CARF: variants seen among roughly 807,000 people sequenced by gnomAD.
CARF encodes calcium-responsive transcription factor.
In CARF, 57 loss-of-function variants were observed where a neutral mutation model predicts 82.0. That is an observed-to-expected ratio of 0.70 (90% confidence interval 0.56 to 0.87). The LOEUF (loss-of-function observed/expected upper bound fraction) is 0.87. Ranked by LOEUF, CARF falls within the 40% of genes least tolerant of loss-of-function variation. The probability of loss-of-function intolerance (pLI) is 0.00; values close to 1 mark genes in which losing one functional copy is unlikely to be tolerated. For missense variants in CARF, 771 were observed against 855.8 expected (o/e 0.90, Z 1.24); for synonymous variants, 268 against 290.1 (o/e 0.92, Z 0.77).
chr2:202,932,345 G>A (rs763909586), intron 3 of CARF, among the ~76,000 whole-genome samples: 1 of 152,136 alleles, frequency 6.6e-6, no homozygotes, highest in Admixed American at 6.6e-5. Context: ...CTGTGGCAGA[G>A]TTGGATGTAG....
chr2:202,919,537 G>A (rs924656269), intron 2 of CARF, among the ~76,000 whole-genome samples: 1 of 152,158 alleles, frequency 6.6e-6, no homozygotes, highest in African/African-American at 2.4e-5. Context: ...TGCCTGCATA[G>A]TTAGAGCTCT....
intron 3 of CARF, among the ~76,000 whole-genome samples, chr2:202,929,698 T>A (rs1241236545): frequency 1.3e-5 from 2 of 152,248 alleles, no homozygotes; most frequent in East Asian, 3.9e-4. Flanking sequence ...AATTTTAAGG[T>A]TTTTGTTGTT....
chr2:202,925,709 G>A (rs1015286897), intron 3 of CARF: 11 of 181,490 alleles, frequency 6.1e-5, no homozygotes, highest in Non-Finnish European at 1.0e-4. Flanking sequence ...TGCCAAGCTG[G>A]AAGCCATCCT....
Position 202,983,539 on chromosome 2 carries a change from G to A in CARF, c.2093G>A (p.Ser698Asn). The A allele has an allele frequency of 6.2e-7, 1 of 1,610,506 alleles. No individual in the cohort carries two copies. Among genetic ancestry groups the A allele is most frequent in the Non-Finnish European group, 8.5e-7 (1 of 1,178,772 alleles). Reference sequence around the variant, plus strand: ...AATCCAGAAAGTACCATTTCTGTGAGCCAAGTTAAACAAGAACCCAAAGAA... The same window carrying A: ...AATCCAGAAAGTACCATTTCTGTGAACCAAGTTAAACAAGAACCCAAAGAA... ...EENPESTISV[S>N]QVKQEPKEPA... Residue 698 changes from serine (S) to asparagine (N), a missense_variant, in exon 17 of 17, where the codon AGC (serine) becomes AAC (asparagine). By Grantham distance (46) the Ser-to-Asn change is conservative (BLOSUM62 1). Transcript: ENST00000438828.
intron 13 of CARF, among the ~76,000 whole-genome samples, chr2:202,976,000 A>G (rs1043512897): frequency 1.3e-5 from 2 of 151,540 alleles, no homozygotes; most frequent in African/African-American, 4.8e-5. Flanking sequence ...AGCCATGATC[A>G]TGCCGTTGCA....
chr2:202,943,632 A>ACACACACACACACC (rs2058347967), intron 5 of CARF, among the ~76,000 whole-genome samples: 1 of 115,878 alleles, frequency 8.6e-6, no homozygotes, highest in Non-Finnish European at 2.1e-5. Flanking sequence ...ACACACACAT[A>ACACACACACACACC]TTAGGCTAAC....
At chr2:202,952,122 T>G (rs763191721) in intron 5 of CARF, among the ~76,000 whole-genome samples, 2 of 152,180 alleles carry the variant, frequency 1.3e-5, no homozygotes, top group Non-Finnish European at 1.5e-5. Context: ...TGAGCCACCA[T>G]GCCTGACCAA....
intron 5 of CARF, among the ~76,000 whole-genome samples, chr2:202,951,017 T>A (rs72926783): frequency 0.089 from 13,572 of 152,170 alleles, 741 homozygotes; most frequent in Non-Finnish European, 0.12. Flanking sequence ...TTTTAAAAAA[T>A]TTTTTTCAAA....
intron 5 of CARF, among the ~76,000 whole-genome samples, chr2:202,946,865 AC>A (rs2058520779): frequency 6.6e-6 from 1 of 152,190 alleles, no homozygotes; most frequent in Non-Finnish European, 1.5e-5. Flanking sequence ...TATGTGGCCA[AC>A]AAACATAAAA....
At chr2:202,964,262 T>C (rs1039825172) in intron 9 of CARF, among the ~76,000 whole-genome samples, 1 of 151,770 alleles carries the variant, frequency 6.6e-6, no homozygotes, top group African/African-American at 2.4e-5. Flanking sequence ...TGCCAGATGT[T>C]TAAAAATCTT....
intron 2 of CARF, among the ~76,000 whole-genome samples, chr2:202,918,501 G>A (rs1223606121): frequency 6.6e-6 from 1 of 152,058 alleles, no homozygotes; most frequent in African/African-American, 2.4e-5. Context: ...CTGCACTCCA[G>A]TACTGGGTGA....
rs2060268931 is a variant in CARF, at chr2:202,981,658, T to G, written c.1662T>G (p.Phe554Leu). ...ACTTGCTCTCCTCACTCTCCTCATTTCAGCCCAAAATATTTACACAACTAC... is the reference window on the plus strand; with the variant it reads ...ACTTGCTCTCCTCACTCTCCTCATTGCAGCCCAAAATATTTACACAACTAC... ...PTHLLSSLSS[F>L]QPKIFTQLQG... The change falls in exon 15 of 17, where the codon TTT (phenylalanine) becomes TTG (leucine). Residue 554 changes from phenylalanine to leucine, a missense_variant. By Grantham distance (22) the Phe-to-Leu change is conservative. Transcript: ENST00000438828. 6.2e-7 allele frequency: 1 copy of G among 1,611,920 alleles called. No individual in the cohort carries two copies. Among genetic ancestry groups the G allele is most frequent in the African/African-American group, 1.3e-5 (1 of 74,902 alleles).
At chr2:202,916,517 C>T (rs189591940) in intron 1 of CARF, among the ~76,000 whole-genome samples, 154 of 152,126 alleles carry the variant, frequency 1.0e-3, no homozygotes, top group African/African-American at 2.9e-3. Flanking sequence ...TAAGATCTGG[C>T]GCTGATAATG....
At chr2:202,920,196 C>T (rs1443801581) in intron 2 of CARF, among the ~76,000 whole-genome samples, 2 of 151,236 alleles carry the variant, frequency 1.3e-5, no homozygotes, top group East Asian at 3.9e-4. Context: ...GCTCTGTCGC[C>T]CAGGCTGGAG....
intron 12 of CARF, 149 bp downstream of exon 12, chr2:202,971,887 T>C (rs2059803715): frequency 2.0e-6 from 1 of 511,360 alleles, no homozygotes; most frequent in Non-Finnish European, 3.4e-6. Flanking sequence ...TAATCTTATT[T>C]ATAAACTGAT....
At chr2:202,925,847 G>T in intron 3 of CARF, 1 of 195,268 alleles carries the variant, frequency 5.1e-6, no homozygotes, top group Non-Finnish European at 1.1e-5. Context: ...GAGCCAGGTG[G>T]AGTCTGGGAT....
At chr2:202,948,108 G>A (rs1293484727) in intron 5 of CARF, among the ~76,000 whole-genome samples, 2 of 152,122 alleles carry the variant, frequency 1.3e-5, no homozygotes, top group Non-Finnish European at 2.9e-5. Context: ...ACTTAGCAGG[G>A]AGTTGTCTCC....
intron 1 of CARF, among the ~76,000 whole-genome samples, chr2:202,915,061 G>A (rs1294212796): frequency 2.0e-5 from 3 of 151,976 alleles, no homozygotes; most frequent in African/African-American, 7.3e-5. Flanking sequence ...TCTGTCGCGA[G>A]GCTGGAGTGC....
At chr2:202,920,106 G>C (rs1690510170) in intron 2 of CARF, among the ~76,000 whole-genome samples, 2 of 151,766 alleles carry the variant, frequency 1.3e-5, no homozygotes, top group African/African-American at 4.8e-5. Flanking sequence ...ATTTAGGATA[G>C]TTGAGATTCA....
Sources: gnomAD v4.1 joint callset for allele counts (sites outside exome capture counted in the v4.1 genomes callset) on GRCh38, gnomAD v4.1.1 for gene constraint, MANE v1.5 for transcripts, NCBI Gene and HGNC (gene_info 2026-07-23, HGNC 2026-07-21) for gene names.